INPP4B: variants seen among roughly 807,000 people sequenced by gnomAD.
INPP4B encodes the protein inositol polyphosphate-4-phosphatase type II B, also known as inositol polyphosphate 4-phosphatase type II.
Under a neutral mutation model 122.5 loss-of-function variants are expected in INPP4B, and 55 were observed. That is an observed-to-expected ratio of 0.45 (90% CI 0.36 to 0.56). The LOEUF (loss-of-function observed/expected upper bound fraction) is 0.56. INPP4B is among the 20% of genes least tolerant of loss of function. The pLI is 0.00. For missense variants in INPP4B, 1,000 were observed against 1,097.7 expected, an observed-to-expected ratio of 0.91 and a Z score of 1.26; for synonymous variants, 403 against 388.7, an observed-to-expected ratio of 1.04 and a Z score of -0.43.
At chr4:142,669,669 T>C (rs994970838) in intron 2 of INPP4B, among the ~76,000 whole-genome samples, 2 of 152,210 alleles carry the variant, frequency 1.3e-5, no homozygotes, top group Non-Finnish European at 2.9e-5. Context: ...CAAAGTGGAT[T>C]AATGACTTAA....
chr4:142,354,286 G>A (rs1013074331), intron 7 of INPP4B, among the ~76,000 whole-genome samples: 1 of 151,952 alleles, frequency 6.6e-6, no homozygotes, highest in Admixed American at 6.6e-5. Flanking sequence ...TTCAGTAGAA[G>A]CACAGATCAT....
intron 25 of INPP4B, among the ~76,000 whole-genome samples, chr4:142,036,339 A>C (rs1483416477): frequency 6.6e-6 from 1 of 152,188 alleles, no homozygotes; most frequent in African/African-American, 2.4e-5. Context: ...TCTGTCAACC[A>C]ATCAATCAAT....
intron 11 of INPP4B, among the ~76,000 whole-genome samples, chr4:142,247,600 T>C (rs956625955): frequency 2.0e-5 from 3 of 152,202 alleles, no homozygotes; most frequent in African/African-American, 7.2e-5. Context: ...CAGTATTCTC[T>C]GATGGTAGTT....
chr4:142,346,391 A>T (rs1036512672), intron 7 of INPP4B, among the ~76,000 whole-genome samples: 3 of 152,078 alleles, frequency 2.0e-5, no homozygotes, highest in African/African-American at 7.2e-5. Context: ...TTAGAAAGGA[A>T]ATCAAAGAGG....
chr4:142,392,536 C>T (rs1798055709), intron 7 of INPP4B, among the ~76,000 whole-genome samples: 1 of 152,208 alleles, frequency 6.6e-6, no homozygotes, highest in African/African-American at 2.4e-5. Context: ...CATTGGTTCA[C>T]TCCTCTTAAC....
chr4:142,204,414 C>T (rs1265318342), intron 14 of INPP4B, among the ~76,000 whole-genome samples: 1 of 151,952 alleles, frequency 6.6e-6, no homozygotes, highest in Non-Finnish European at 1.5e-5. Context: ...CTGCTAACTG[C>T]TTTGTCAAAA....
chr4:142,690,304 G>A (rs1759988656), intron 2 of INPP4B, among the ~76,000 whole-genome samples: 1 of 152,162 alleles, frequency 6.6e-6, no homozygotes, highest in African/African-American at 2.4e-5. Flanking sequence ...TAAAGGTAAT[G>A]TTTGTTCTTT....
intron 2 of INPP4B, among the ~76,000 whole-genome samples, chr4:142,628,388 A>T (rs945319900): frequency 3.4e-4 from 44 of 127,750 alleles, no homozygotes; most frequent in Non-Finnish European, 5.6e-4. Flanking sequence ...AGGAAGGGGA[A>T]TATCACACTC....
intron 12 of INPP4B, among the ~76,000 whole-genome samples, chr4:142,221,697 C>A (rs1430191974): frequency 2.0e-5 from 3 of 152,036 alleles, no homozygotes; most frequent in Non-Finnish European, 4.4e-5. Flanking sequence ...TAGAACTCTT[C>A]ATGATGTTGG....
At chr4:142,645,710 G>A (rs1751623170) in intron 2 of INPP4B, among the ~76,000 whole-genome samples, 1 of 152,140 alleles carries the variant, frequency 6.6e-6, no homozygotes, top group South Asian at 2.1e-4. Context: ...GGTTATATCA[G>A]CTGTTGAATT....
At chr4:142,219,296 C>A (rs549955256) in intron 12 of INPP4B, among the ~76,000 whole-genome samples, 6 of 152,156 alleles carry the variant, frequency 3.9e-5, no homozygotes, top group African/African-American at 1.4e-4. Flanking sequence ...CAGCCAGATT[C>A]TATAATTTAA....
At chr4:142,056,226 A>G (rs563087431) in intron 25 of INPP4B, among the ~76,000 whole-genome samples, 2 of 152,186 alleles carry the variant, frequency 1.3e-5, no homozygotes, top group East Asian at 3.9e-4. Context: ...ACCTGATACC[A>G]GGGGGTTGGG....
At chr4:142,654,553 T>C (rs560083792) in intron 2 of INPP4B, 13 of 152,286 alleles carry the variant, frequency 8.5e-5, no homozygotes, top group African/African-American at 2.9e-4. Context: ...TGCTATTATA[T>C]TATTGTATCA....
chr4:142,123,239 A>G, intron 20 of INPP4B, 53 bp downstream of exon 20: 1 of 1,419,630 alleles, frequency 7.0e-7, no homozygotes, highest in Non-Finnish European at 9.5e-7. Context: ...TTCTGGATTA[A>G]ATGTCCTTCT....
chr4:142,115,782 T>C (rs1356709449), intron 21 of INPP4B, among the ~76,000 whole-genome samples: 5 of 152,090 alleles, frequency 3.3e-5, no homozygotes, highest in Non-Finnish European at 7.4e-5. Context: ...GCTAACATCA[T>C]AATGACAGGA....
At chr4:142,166,436 C>T (rs989886373) in intron 16 of INPP4B, among the ~76,000 whole-genome samples, 1 of 151,542 alleles carries the variant, frequency 6.6e-6, no homozygotes, top group African/African-American at 2.4e-5. Context: ...CTATAAAAAC[C>T]CTAAAAGAAA....
At chr4:142,215,686 G>T (rs1376393950) in intron 12 of INPP4B, among the ~76,000 whole-genome samples, 2 of 151,866 alleles carry the variant, frequency 1.3e-5, no homozygotes, top group Non-Finnish European at 2.9e-5. Context: ...GAGGTCAGGA[G>T]ATTGAGACCA....
chr4:142,723,005 G>A (rs1764883037), intron 2 of INPP4B, among the ~76,000 whole-genome samples: 1 of 144,414 alleles, frequency 6.9e-6, no homozygotes, highest in South Asian at 2.2e-4. Flanking sequence ...ATCTCAACAT[G>A]TATCACATCT....
intron 12 of INPP4B, among the ~76,000 whole-genome samples, chr4:142,233,990 T>G (rs1215246095): frequency 6.6e-6 from 1 of 152,152 alleles, no homozygotes; most frequent in Admixed American, 6.5e-5. Flanking sequence ...TATAATAATG[T>G]AAAGCCACTG....
Sources: allele counts gnomAD v4.1 joint callset (sites outside exome capture counted in the v4.1 genomes callset), GRCh38; gene constraint gnomAD v4.1.1; transcripts MANE v1.5; gene names NCBI Gene and HGNC (gene_info 2026-07-23, HGNC 2026-07-21).